The following TTC3 variants were observed in gnomAD, a reference collection of about 807,000 sequenced individuals.
The protein encoded by TTC3 is E3 ubiquitin-protein ligase TTC3.
Under a neutral mutation model 249.6 loss-of-function variants are expected in TTC3, and 180 were observed. The ratio of observed to expected loss-of-function variants is 0.72; its 90% confidence interval spans 0.64 to 0.82. The LOEUF (loss-of-function observed/expected upper bound fraction) is 0.82, where lower values mean the gene tolerates loss of function less well. Among genes scored for constraint, TTC3 ranks in the 40% least tolerant of loss-of-function variants. The pLI is 0.00. For synonymous variants in TTC3, 717 were observed against 805.0 expected, an observed-to-expected ratio of 0.89 and a Z score of 1.85; for missense variants, 2,061 against 2,398.4, an observed-to-expected ratio of 0.86 and a Z score of 2.94.
exon 33 of TTC3, chr21:37,165,845 G>A (rs1478859220): frequency 6.2e-7 from 1 of 1,614,206 alleles, no homozygotes; most frequent in South Asian, 1.1e-5. Flanking sequence ...GAATCCAGCT[G>A]CTAGGGAATT....
chr21:37,149,571 A>G (rs1020897347), intron 23 of TTC3, among the ~76,000 whole-genome samples: 1 of 152,158 alleles, frequency 6.6e-6, no homozygotes, highest in African/African-American at 2.4e-5. Flanking sequence ...TTTCCCTAGG[A>G]TATGCTGAAG....
At chr21:37,178,849 A>G (rs529611626) in intron 35 of TTC3, among the ~76,000 whole-genome samples, 2 of 152,220 alleles carry the variant, frequency 1.3e-5, no homozygotes, top group South Asian at 4.2e-4. Flanking sequence ...GGTCCCAGCT[A>G]CTTGGGAGGC....
At chr21:37,104,497 G>A (rs2074855972) in intron 10 of TTC3, among the ~76,000 whole-genome samples, 1 of 151,462 alleles carries the variant, frequency 6.6e-6, no homozygotes, top group Non-Finnish European at 1.5e-5. Context: ...GGCTGAGGCA[G>A]GAGAATTGCT....
chr21:37,195,567 G>A (rs1252785387), intron 41 of TTC3, 108 bp from the exon 42 acceptor site: 12 of 1,440,782 alleles, frequency 8.3e-6, no homozygotes, highest in Admixed American at 2.4e-5. Flanking sequence ...TCCTGTGCAC[G>A]GAGCCTCTGC....
At chr21:37,178,861 G>A (rs1487465062) in intron 35 of TTC3, among the ~76,000 whole-genome samples, 3 of 152,078 alleles carry the variant, frequency 2.0e-5, no homozygotes, top group Non-Finnish European at 2.9e-5. Context: ...TTGGGAGGCT[G>A]AGCTGAGAGG....
chr21:37,138,762 A>G (rs1046576359), intron 19 of TTC3, 48 bp downstream of exon 19: 1 of 1,285,934 alleles, frequency 7.8e-7, no homozygotes. Flanking sequence ...ATATTGACAT[A>G]TCTTATAAAA....
chr21:37,201,536 A>C (rs755228242), exon 46 of TTC3: 2 of 1,614,038 alleles, frequency 1.2e-6, no homozygotes, highest in African/African-American at 1.3e-5. Flanking sequence ...AGGCTGGCCC[A>C]GTCAGAATCA....
Position 37,140,607 on chromosome 21 carries a change from AC to A in TTC3, c.1710del (p.Ser571ValfsTer17). On this transcript the variant is annotated frameshift_variant, in exon 20 of 46. Transcript: ENST00000355666. LOFTEE classifies it high-confidence loss of function. ...CAGTTTAAGAGGATTATTGAACACT[AC>A]CCCAGTGAGGGCCTTGATTGCTTGG... The A allele has an allele frequency of 1.9e-6, 3 of 1,605,744 alleles. No individual in the cohort carries two copies. Among genetic ancestry groups the A allele is most frequent in the Non-Finnish European group, 2.5e-6 (3 of 1,176,690 alleles).
Position 37,201,439 on chromosome 21 carries a change from G to A in TTC3, c.5944-1G>A, listed in dbSNP as rs752285687. On this transcript the variant is annotated splice_acceptor_variant, in intron 45 of 45. Coordinates refer to ENST00000355666, the Ensembl canonical transcript of TTC3. LOFTEE classifies it high-confidence loss of function. ...TTCTGATTTTGTTTTCTCCTTTTCA[G>A]TGCTTTAAGCAGTGGCTTAAAGGGC... 2.0e-5 allele frequency: 32 copies of A among 1,613,774 alleles called. No individual in the cohort carries two copies. The South Asian group carries it at 3.5e-4, about 18-fold the overall frequency.
chr21:37,155,910 C>T (rs1416510383), intron 27 of TTC3, among the ~76,000 whole-genome samples: 1 of 152,072 alleles, frequency 6.6e-6, no homozygotes. Flanking sequence ...CTTTTAGACA[C>T]ATTTGGGAAG....
At chr21:37,140,261 T>A (rs2078319628) in intron 19 of TTC3, among the ~76,000 whole-genome samples, 2 of 152,152 alleles carry the variant, frequency 1.3e-5, no homozygotes, top group Admixed American at 6.6e-5. Flanking sequence ...AAAACACGAT[T>A]TGACTCTTTT....
intron 36 of TTC3, 140 bp from the exon 37 acceptor site, chr21:37,185,566 T>TA (rs2083165703): frequency 1.1e-5 from 5 of 461,210 alleles, no homozygotes; most frequent in Non-Finnish European, 1.9e-5. Flanking sequence ...TAGAAGATAC[T>TA]AAAAATGAAA....
At chr21:37,137,939 G>A (rs149480188) in intron 18 of TTC3, among the ~76,000 whole-genome samples, 12 of 152,058 alleles carry the variant, frequency 7.9e-5, no homozygotes, top group African/African-American at 2.4e-4. Flanking sequence ...TGTAGATGAC[G>A]GTTGATGGGT....
intron 22 of TTC3, 114 bp downstream of exon 22, chr21:37,147,717 A>G: frequency 8.2e-7 from 1 of 1,222,778 alleles, no homozygotes. Context: ...GCAGTCGTCC[A>G]CCCCTTTCCC....
chr21:37,130,616 T>G (rs912501187), intron 16 of TTC3, among the ~76,000 whole-genome samples: 2 of 152,238 alleles, frequency 1.3e-5, no homozygotes, highest in Admixed American at 1.3e-4. Flanking sequence ...TACAGCTTGC[T>G]TTTTGTCTTT....
chr21:37,140,498 A>T, intron 19 of TTC3, 63 bp from the exon 20 acceptor site: 1 of 1,167,166 alleles, frequency 8.6e-7, no homozygotes. Context: ...CAACCTTTAG[A>T]TAAAATTTAT....
chr21:37,128,718 AT>A (rs1243701857), intron 15 of TTC3, among the ~76,000 whole-genome samples: 1 of 152,150 alleles, frequency 6.6e-6, no homozygotes, highest in Non-Finnish European at 1.5e-5. Flanking sequence ...ACCCCATCTG[AT>A]TATAAACTGA....
exon 33 of TTC3, chr21:37,166,213 A>G (rs753738425): frequency 1.6e-5 from 26 of 1,614,056 alleles, no homozygotes; most frequent in Non-Finnish European, 2.0e-5. Flanking sequence ...AGACACCGCC[A>G]GCATACATAA....
At chr21:37,103,869 G>A (rs1296079318) in intron 10 of TTC3, among the ~76,000 whole-genome samples, 1 of 139,764 alleles carries the variant, frequency 7.2e-6, no homozygotes, top group Non-Finnish European at 1.5e-5. Flanking sequence ...GGGCCTTGTA[G>A]GCTGTGTTAA....
Sources: gnomAD v4.1 joint callset for allele counts (sites outside exome capture counted in the v4.1 genomes callset) on GRCh38, gnomAD v4.1.1 for gene constraint, MANE v1.5 for transcripts, NCBI Gene and HGNC (gene_info 2026-07-23, HGNC 2026-07-21) for gene names.